The following CELF2 variants were observed in gnomAD, a reference collection of about 807,000 sequenced individuals.
CELF2 encodes CUGBP Elav-like family member 2.
A neutral mutation model predicts 62.6 loss-of-function variants in CELF2; 8 were observed. That is an observed-to-expected ratio of 0.13 (90% CI 0.07 to 0.23). The LOEUF (loss-of-function observed/expected upper bound fraction) is 0.23. Among genes scored for constraint, CELF2 ranks in the 10% least tolerant of loss-of-function variants. The probability of loss-of-function intolerance (pLI) is 1.00; values close to 1 mark genes in which losing one functional copy is unlikely to be tolerated. For missense variants in CELF2, 333 were observed against 671.0 expected (o/e 0.50, Z 5.56); for synonymous variants, 258 against 250.0 (o/e 1.03, Z -0.30).
intron 2 of CELF2, among the ~76,000 whole-genome samples, chr10:11,168,149 A>T (rs1447790190): frequency 1.1e-4 from 16 of 151,952 alleles, no homozygotes. Context: ...TAGTTTTTAT[A>T]CTCAGGTGTT....
rs35476826 is a variant in CELF2, at chr10:11,157,392, CCA to C, written c.75-8079_75-8078del. On this transcript the variant is annotated intron_variant, in intron 1 of 12. Coordinates refer to ENST00000633077, the MANE Select transcript of CELF2 (RefSeq NM_001326342.2). The surrounding 1 kb of genome is among the most constrained non-coding windows in gnomAD (Gnocchi z 4.9). The stretch of plus-strand genomic sequence containing the variant: ...TTTGACTTTGATATCCGCCCTCCCC[CCA>C]CACACACACACACAAAAATTTCACT... Among the ~76,000 whole-genome samples, 187 of 116,784 alleles carry C rather than the reference CCA, an allele frequency of 1.6e-3. 2 individuals are homozygous for C. The highest frequency in any genetic ancestry group is 4.9e-3 in the African/African-American group (160 of 32,558). 76.6% of individuals were successfully genotyped at this position (116,784 alleles called of 152,430 possible).
intron 1 of CELF2, among the ~76,000 whole-genome samples, chr10:10,872,708 A>G (rs562097082): frequency 2.8e-4 from 42 of 152,224 alleles, no homozygotes; most frequent in Non-Finnish European, 5.4e-4. Context: ...GCTCTCCCAT[A>G]GCCTGGTGGC....
intron 1 of CELF2, among the ~76,000 whole-genome samples, chr10:11,085,576 CT>C (rs1357977276): frequency 6.6e-6 from 1 of 152,114 alleles, no homozygotes; most frequent in Non-Finnish European, 1.5e-5. Context: ...ATTGGTACTG[CT>C]GCTTTCCCCA....
chr10:10,915,377 T>C (rs12253985), intron 1 of CELF2, among the ~76,000 whole-genome samples: 11,165 of 152,202 alleles, frequency 0.073, 977 homozygotes, highest in African/African-American at 0.21. Context: ...ACATCTTATA[T>C]GAGCTGTGAT....
chr10:10,860,559 C>T (rs1295475880), intron 1 of CELF2, among the ~76,000 whole-genome samples: 6 of 152,172 alleles, frequency 3.9e-5, no homozygotes, highest in African/African-American at 1.2e-4. Context: ...AATTTTAATT[C>T]AGTTGATAAC....
At chr10:10,547,512 C>A in the CELF2 span, among the ~76,000 whole-genome samples, 1 of 151,800 alleles carries the variant, frequency 6.6e-6, no homozygotes, top group Non-Finnish European at 1.5e-5. Context: ...TCAGTGTTGC[C>A]TTAAGGTGTA....
At chr10:10,813,309 T>A (rs1590692265) in intron 1 of CELF2, among the ~76,000 whole-genome samples, 1 of 152,200 alleles carries the variant, frequency 6.6e-6, no homozygotes, top group Non-Finnish European at 1.5e-5. Context: ...CCATCCAGGG[T>A]GCAGGTGTTT....
At chr10:11,173,133 G>C (rs1026892861) in intron 2 of CELF2, among the ~76,000 whole-genome samples, 1 of 152,194 alleles carries the variant, frequency 6.6e-6, no homozygotes, top group African/African-American at 2.4e-5. Flanking sequence ...GAAAGAGATA[G>C]CTCCCCACTA....
At chr10:10,504,030 C>A in the CELF2 span, among the ~76,000 whole-genome samples, 1 of 152,016 alleles carries the variant, frequency 6.6e-6, no homozygotes, top group African/African-American at 2.4e-5. Flanking sequence ...TCTTACAACA[C>A]CCCTGTTTAT....
At chr10:10,823,856 A>G (rs2057168611) in intron 1 of CELF2, among the ~76,000 whole-genome samples, 1 of 152,182 alleles carries the variant, frequency 6.6e-6, no homozygotes, top group Admixed American at 6.5e-5. Flanking sequence ...AACTTGTTCA[A>G]ACACACCATT....
chr10:10,768,088 C>T, the CELF2 span, among the ~76,000 whole-genome samples: 44 of 146,826 alleles, frequency 3.0e-4, no homozygotes, highest in African/African-American at 1.1e-3. Flanking sequence ...ATGGCGTGAA[C>T]CCGGGAGGCG....
chr10:10,802,555 G>GA (rs61612499), intron 1 of CELF2, among the ~76,000 whole-genome samples: 5 of 151,944 alleles, frequency 3.3e-5, no homozygotes, highest in Admixed American at 1.3e-4. Flanking sequence ...AGACTTGAGA[G>GA]AAAAAAAAGT....
intron 2 of CELF2, among the ~76,000 whole-genome samples, chr10:10,939,280 T>TGGTGG (rs781074245): frequency 0.017 from 2,476 of 149,044 alleles, 92 homozygotes; most frequent in African/African-American, 0.059. Context: ...TTTTGTGGTG[T>TGGTGG]TGTTGTTGTT....
At chr10:10,603,784 T>TGCACACAC in the CELF2 span, among the ~76,000 whole-genome samples, 3 of 148,544 alleles carry the variant, frequency 2.0e-5, no homozygotes, top group African/African-American at 7.4e-5. Context: ...TATTTACACA[T>TGCACACAC]ACACACACAC....
chr10:10,476,610 G>T, the CELF2 span, among the ~76,000 whole-genome samples: 1 of 151,870 alleles, frequency 6.6e-6, no homozygotes, highest in Non-Finnish European at 1.5e-5. Flanking sequence ...AAATATACTT[G>T]TTGGCATGCA....
At chr10:11,082,935 A>G (rs910437845) in intron 1 of CELF2, among the ~76,000 whole-genome samples, 2 of 152,224 alleles carry the variant, frequency 1.3e-5, no homozygotes, top group African/African-American at 4.8e-5. Flanking sequence ...TGTAAATGGA[A>G]TGAGGTGAAG....
rs1327622577 is a variant in CELF2 at position 11,269,122 on chromosome 10, C to T, written c.619-1544C>T. Among the ~76,000 whole-genome samples, 1 of 152,178 alleles carries T rather than the reference C, an allele frequency of 6.6e-6. No homozygotes were observed. Among genetic ancestry groups the T allele is most frequent in the African/African-American group, 2.4e-5 (1 of 41,434 alleles). On this transcript the variant is annotated intron_variant, in intron 6 of 12. Coordinates refer to ENST00000633077, the MANE Select transcript of CELF2 (RefSeq NM_001326342.2). The surrounding 1 kb of genome is among the most constrained non-coding windows in gnomAD (Gnocchi z 4.4). Reference sequence around the variant, plus strand: ...AACCCTTTTCCATGCAAAACCCCCTCTCTACATAATCTTCAAAGTATGTTG... The same window carrying T: ...AACCCTTTTCCATGCAAAACCCCCTTTCTACATAATCTTCAAAGTATGTTG...
chr10:10,557,757 G>A, the CELF2 span, among the ~76,000 whole-genome samples: 1 of 146,140 alleles, frequency 6.8e-6, no homozygotes, highest in African/African-American at 2.5e-5. Flanking sequence ...CACATCCCTT[G>A]TAAGTTGGAT....
At chr10:11,206,665 C>T (rs947304704) in intron 2 of CELF2, among the ~76,000 whole-genome samples, 1 of 152,230 alleles carries the variant, frequency 6.6e-6, no homozygotes, top group Non-Finnish European at 1.5e-5. Context: ...AAGCCAGACC[C>T]TCTAGTTGGC....
Sources: allele counts gnomAD v4.1 joint callset (sites outside exome capture counted in the v4.1 genomes callset), GRCh38; gene constraint gnomAD v4.1.1; non-coding constraint Gnocchi (gnomAD v3.1); transcripts MANE v1.5; gene names NCBI Gene and HGNC (gene_info 2026-07-23, HGNC 2026-07-21).